EEIG1: variants seen among roughly 807,000 people sequenced by gnomAD.
EEIG1 encodes estrogen-induced osteoclastogenesis regulator 1.
At chr9:127,944,851 G>A in the EEIG1 span, 11 of 1,612,470 alleles carry the variant, frequency 6.8e-6, no homozygotes, top group Non-Finnish European at 7.6e-6. Context: ...ATCGATCCGC[G>A]TGTCGTCCAC....
the EEIG1 span, chr9:127,940,638 C>G: frequency 9.4e-4 from 143 of 152,226 alleles, no homozygotes; most frequent in African/African-American, 3.3e-3. Flanking sequence ...CTGACACTAG[C>G]CTGAGTTCCC....
the EEIG1 span, among the ~76,000 whole-genome samples, chr9:127,958,089 G>T: frequency 6.6e-6 from 1 of 152,112 alleles, no homozygotes; most frequent in African/African-American, 2.4e-5. Context: ...GTGGGAAAAA[G>T]AATAGTCTTT....
At chr9:127,979,312 T>A in the EEIG1 span, among the ~76,000 whole-genome samples, 1 of 152,172 alleles carries the variant, frequency 6.6e-6, no homozygotes, top group South Asian at 2.1e-4. Flanking sequence ...CTGGGCCCAA[T>A]TGGCAAGGGA....
At chr9:127,953,301 T>C in the EEIG1 span, 4 of 512,030 alleles carry the variant, frequency 7.8e-6, no homozygotes, top group Non-Finnish European at 1.4e-5. Context: ...TATCCAATAA[T>C]GGGGTCCCAG....
the EEIG1 span, among the ~76,000 whole-genome samples, chr9:127,956,288 G>A: frequency 5.3e-5 from 8 of 152,112 alleles, no homozygotes; most frequent in Non-Finnish European, 1.0e-4. Flanking sequence ...GGAGAAAGAA[G>A]AAGACCAAAT....
At chr9:127,950,317 G>T in the EEIG1 span, 2 of 1,148,292 alleles carry the variant, frequency 1.7e-6, no homozygotes, top group Non-Finnish European at 2.6e-6. Context: ...ACCTATTCAG[G>T]TAAGGCCTGT....
At chr9:127,957,522 G>A in the EEIG1 span, among the ~76,000 whole-genome samples, 3 of 152,192 alleles carry the variant, frequency 2.0e-5, no homozygotes, top group Non-Finnish European at 4.4e-5. Flanking sequence ...TTGTTAAGAT[G>A]ATACTCCCAA....
chr9:127,975,410 C>CA, the EEIG1 span, among the ~76,000 whole-genome samples: 2 of 152,326 alleles, frequency 1.3e-5, no homozygotes, highest in Non-Finnish European at 2.9e-5. Context: ...CTCCAAGTCA[C>CA]AGGCTGTCTG....
chr9:127,964,837 C>G, the EEIG1 span, among the ~76,000 whole-genome samples: 1 of 152,248 alleles, frequency 6.6e-6, no homozygotes, highest in South Asian at 2.1e-4. Flanking sequence ...CGCGGTGGCT[C>G]ACACCTGTAA....
the EEIG1 span, chr9:127,979,873 C>T: frequency 7.9e-7 from 1 of 1,264,408 alleles, no homozygotes; most frequent in Non-Finnish European, 1.1e-6. Context: ...CTGCCCCAGG[C>T]ACACAGAATC....
the EEIG1 span, chr9:127,980,320 G>A: frequency 3.5e-6 from 2 of 579,608 alleles, no homozygotes; most frequent in Non-Finnish European, 5.9e-6. Flanking sequence ...TCCAGTTCGC[G>A]GGCCGGCGGG....
the EEIG1 span, chr9:127,980,186 G>A: frequency 2.5e-6 from 4 of 1,580,382 alleles, no homozygotes; most frequent in Admixed American, 3.5e-5. Context: ...AAGGTGGAGA[G>A]GGACGGGATT....
At chr9:127,958,704 T>C in the EEIG1 span, among the ~76,000 whole-genome samples, 1 of 151,724 alleles carries the variant, frequency 6.6e-6, no homozygotes, top group East Asian at 1.9e-4. Flanking sequence ...ACAAAAAACC[T>C]TTTGCACTCC....
chr9:127,947,121 T>A, the EEIG1 span, among the ~76,000 whole-genome samples: 1 of 151,970 alleles, frequency 6.6e-6, no homozygotes, highest in Non-Finnish European at 1.5e-5. Flanking sequence ...AAAAACAGAG[T>A]GCCCAGCCGG....
the EEIG1 span, among the ~76,000 whole-genome samples, chr9:127,978,078 A>C: frequency 6.6e-6 from 1 of 152,130 alleles, no homozygotes. Context: ...GCAACCAAGG[A>C]GGCCAGCCAC....
At chr9:127,950,773 C>CT in the EEIG1 span, 17 of 1,253,872 alleles carry the variant, frequency 1.4e-5, no homozygotes, top group Non-Finnish European at 1.6e-5. Flanking sequence ...ACAAAGCACC[C>CT]TTTGTGCCAC....
chr9:127,952,359 C>A, the EEIG1 span, among the ~76,000 whole-genome samples: 2 of 152,244 alleles, frequency 1.3e-5, no homozygotes, highest in Non-Finnish European at 2.9e-5. Flanking sequence ...CCCCTCCCGG[C>A]TGATGAAGCC....
the EEIG1 span, among the ~76,000 whole-genome samples, chr9:127,957,573 G>A: frequency 1.7e-3 from 254 of 152,292 alleles, 1 homozygote; most frequent in African/African-American, 5.7e-3. Context: ...AAAGCCCCAC[G>A]CTGGCTTCTT....
chr9:127,947,806 C>T, the EEIG1 span, among the ~76,000 whole-genome samples: 6 of 152,184 alleles, frequency 3.9e-5, no homozygotes, highest in Admixed American at 6.5e-5. Flanking sequence ...TTGATTGAGG[C>T]CTGTTTCTTC....
Sources: gnomAD v4.1 joint callset for allele counts (sites outside exome capture counted in the v4.1 genomes callset) on GRCh38, gnomAD v4.1.1 for gene constraint, MANE v1.5 for transcripts, NCBI Gene and HGNC (gene_info 2026-07-23, HGNC 2026-07-21) for gene names.